The following SERPINE2 variants were observed in gnomAD, a reference collection of about 807,000 sequenced individuals.
SERPINE2 encodes the protein glia-derived nexin.
Under a neutral mutation model 36.3 loss-of-function variants are expected in SERPINE2, and 14 were observed. The ratio of observed to expected loss-of-function variants is 0.39; its 90% CI spans 0.25 to 0.60. The LOEUF (loss-of-function observed/expected upper bound fraction) is 0.60, where lower values mean the gene tolerates loss of function less well. Ranked by LOEUF, SERPINE2 falls within the 20% of genes least tolerant of loss-of-function variation. The pLI is 0.57. For missense variants in SERPINE2, 418 were observed against 499.6 expected (o/e 0.84, Z 1.56); for synonymous variants, 192 against 191.8 (o/e 1.00, Z -0.01).
At chr2:223,978,925 T>C (rs979808970) in intron 7 of SERPINE2, 1 of 152,010 alleles carries the variant, frequency 6.6e-6, no homozygotes, top group Non-Finnish European at 1.5e-5. Context: ...TTGCCCTTAT[T>C]TGAAGTGGGA....
chr2:223,976,425 T>C (rs1473393449), intron 8 of SERPINE2, among the ~76,000 whole-genome samples: 3 of 152,180 alleles, frequency 2.0e-5, no homozygotes, highest in African/African-American at 7.2e-5. Flanking sequence ...GTGCTGGGAT[T>C]ACAGGCATAA....
At chr2:224,007,272 A>G (rs1691459279) in intron 1 of SERPINE2, among the ~76,000 whole-genome samples, 1 of 152,224 alleles carries the variant, frequency 6.6e-6, no homozygotes, top group South Asian at 2.1e-4. Flanking sequence ...GGGAGGACAC[A>G]GAAGCGTCTA....
intron 4 of SERPINE2, among the ~76,000 whole-genome samples, chr2:223,988,095 G>A (rs1171627744): frequency 6.6e-6 from 1 of 152,140 alleles, no homozygotes; most frequent in Non-Finnish European, 1.5e-5. Flanking sequence ...GAGGGGTGGC[G>A]TAAGTAACTG....
intron 1 of SERPINE2, chr2:224,031,155 G>T (rs1210444686): frequency 1.0e-6 from 1 of 985,396 alleles, no homozygotes; most frequent in Non-Finnish European, 1.2e-6. Flanking sequence ...TCAGCTCACG[G>T]TTCACACATC....
chr2:224,003,420 C>T (rs529287476), intron 1 of SERPINE2, among the ~76,000 whole-genome samples: 23 of 152,202 alleles, frequency 1.5e-4, no homozygotes, highest in African/African-American at 4.8e-4. Context: ...TAACCACAAG[C>T]GCTTGATTCT....
chr2:223,977,549 G>A lies in SERPINE2; in HGVS notation c.1151C>T (p.Pro384Leu). The part of the protein sequence containing the change: ...RPFLFFIRHN[P>L]TGAVLFMGQI... Reference sequence around the variant, plus strand: ...GGAAGAGGAGAGTCACTTACCTGTAGGATTATGTCGGATGAAAAACAGAAA... The same window carrying A: ...GGAAGAGGAGAGTCACTTACCTGTAAGATTATGTCGGATGAAAAACAGAAA... The change falls in exon 8 of 9, where the codon CCT (proline) becomes CTT (leucine). Residue 384 changes from proline (P) to leucine (L), a missense_variant. Transcript: ENST00000409304. 6.2e-7 allele frequency: 1 copy of A among 1,602,046 alleles called. No individual in the cohort carries two copies. The highest frequency in any genetic ancestry group is 2.2e-5 in the East Asian group (1 of 44,796).
chr2:224,014,502 G>A (rs185730575), intron 1 of SERPINE2, among the ~76,000 whole-genome samples: 4 of 152,330 alleles, frequency 2.6e-5, no homozygotes, highest in African/African-American at 4.8e-5. Flanking sequence ...CTAAACTAAG[G>A]AAAGTCAGAG....
At chr2:224,000,378 A>G (rs964367242) in intron 2 of SERPINE2, among the ~76,000 whole-genome samples, 1 of 152,224 alleles carries the variant, frequency 6.6e-6, no homozygotes, top group African/African-American at 2.4e-5. Flanking sequence ...CAGCTGAAGT[A>G]AAACAGTGCC....
intron 1 of SERPINE2, chr2:224,038,693 G>A (rs1692610370): frequency 3.2e-6 from 2 of 625,360 alleles, no homozygotes; most frequent in African/African-American, 1.8e-5. Context: ...CCTAAGTCCG[G>A]GGTAGGGGTT....
intron 1 of SERPINE2, among the ~76,000 whole-genome samples, chr2:224,028,335 A>G (rs1692251856): frequency 6.6e-6 from 1 of 152,324 alleles, no homozygotes. Flanking sequence ...TCTATTCTCT[A>G]GCTATGGAAA....
rs767623229 is a variant in SERPINE2, at chr2:223,980,365, G to C, written c.1018C>G (p.Gln340Glu). ...TCACTGACTTCAATTTTTGCTTTTT[G>C]CAAGATATGAGAAACATGGAGGTTT... is the stretch of plus-strand genomic sequence containing the variant. ...SENLHVSHIL[Q>E]KAKIEVSEDG... The change falls in exon 7 of 9, where the codon CAA (glutamine) becomes GAA (glutamate). Residue 340 changes from glutamine to glutamate, a missense_variant. Gln to Glu is a conservative substitution (Grantham distance 29, BLOSUM62 2). Transcript: ENST00000409304. 6.2e-7 allele frequency: 1 copy of C among 1,614,070 alleles called. No individual in the cohort carries two copies. Among genetic ancestry groups the C allele is most frequent in the Non-Finnish European group, 8.5e-7 (1 of 1,179,942 alleles).
At chr2:224,007,456 C>T (rs565853317) in intron 1 of SERPINE2, among the ~76,000 whole-genome samples, 1 of 152,298 alleles carries the variant, frequency 6.6e-6, no homozygotes, top group African/African-American at 2.4e-5. Flanking sequence ...ATTATTAACT[C>T]ACGGCTTGGT....
chr2:223,986,089 T>C (rs1019787141), intron 4 of SERPINE2, among the ~76,000 whole-genome samples: 4 of 152,136 alleles, frequency 2.6e-5, no homozygotes, highest in African/African-American at 7.2e-5. Context: ...CAGTTCTCCA[T>C]AGAACAGGGT....
chr2:224,005,060 A>AT (rs1691349049), intron 1 of SERPINE2, among the ~76,000 whole-genome samples: 1 of 7,524 alleles, frequency 1.3e-4, no homozygotes, highest in East Asian at 1.4e-3. Context: ...TATATTTTAT[A>AT]TATATTATAT....
chr2:223,992,008 G>A lies in SERPINE2; in HGVS notation c.488-8C>T. ...GCAGATTGTCAATCATATCTGTGAA[G>A]CCAAAGAACAAACAAGGGAAAAATA... On this transcript the variant is annotated splice_region_variant and splice_polypyrimidine_tract_variant and intron_variant, in intron 3 of 8. Transcript: ENST00000409304. 6.2e-7 allele frequency: 1 copy of A among 1,613,274 alleles called. No individual in the cohort carries two copies. Among genetic ancestry groups the A allele is most frequent in the South Asian group, 1.1e-5 (1 of 90,876 alleles).
chr2:223,983,637 T>G (rs1202232047), intron 5 of SERPINE2, among the ~76,000 whole-genome samples: 1 of 151,848 alleles, frequency 6.6e-6, no homozygotes, highest in African/African-American at 2.4e-5. Flanking sequence ...TTGGGTATAA[T>G]ATAGGTTTCT....
At position 223,984,932 on chromosome 2, in the gene SERPINE2, T is replaced by A; in HGVS notation, c.704A>T (p.Asn235Ile). 6.2e-7 allele frequency: 1 copy of A among 1,614,152 alleles called. No individual in the cohort carries two copies. Among genetic ancestry groups the A allele is most frequent in the Non-Finnish European group, 8.5e-7 (1 of 1,180,012 alleles). ...TTCAATGAAGTTGTACCATAAATCA[T>A]TGGGGGCACTTGTCGACCCTAAAGA... ...VFRCGSTSAP[N>I]DLWYNFIELP... Residue 235 changes from asparagine (N) to isoleucine (I), a missense_variant, in exon 5 of 9, where the codon AAT (asparagine) becomes ATT (isoleucine). Transcript: ENST00000409304.
chr2:224,017,624 C>T (rs941304390), intron 1 of SERPINE2, among the ~76,000 whole-genome samples: 1 of 152,200 alleles, frequency 6.6e-6, no homozygotes, highest in Non-Finnish European at 1.5e-5. Flanking sequence ...CAAATGTCAC[C>T]TCCACTGCCA....
intron 2 of SERPINE2, among the ~76,000 whole-genome samples, chr2:224,000,755 C>T (rs1215826356): frequency 6.6e-6 from 1 of 151,960 alleles, no homozygotes; most frequent in Admixed American, 6.6e-5. Flanking sequence ...TCTCATTGTT[C>T]AACTCCCACT....
Sources: gnomAD v4.1 joint callset for allele counts (sites outside exome capture counted in the v4.1 genomes callset) on GRCh38, gnomAD v4.1.1 for gene constraint, MANE v1.5 for transcripts, NCBI Gene and HGNC (gene_info 2026-07-23, HGNC 2026-07-21) for gene names.